The following CYP26B1 variants were observed in gnomAD, a reference collection of about 807,000 sequenced individuals.
CYP26B1 encodes the protein cytochrome P450 26B1.
A neutral mutation model predicts 39.1 loss-of-function variants in CYP26B1; 8 were observed. The observed-to-expected ratio is 0.20, with a 90% CI of 0.12 to 0.37. The LOEUF (loss-of-function observed/expected upper bound fraction) is 0.37, where lower values mean the gene tolerates loss of function less well. Among genes scored for constraint, CYP26B1 ranks in the 10% least tolerant of loss-of-function variants. The pLI, the probability that CYP26B1 is intolerant of heterozygous loss-of-function variation, is 1.00. For synonymous variants in CYP26B1, 321 were observed against 314.3 expected (o/e 1.02, Z -0.23); for missense variants, 615 against 707.0 (o/e 0.87, Z 1.48).
rs535720016 is a variant in CYP26B1 at position 72,134,507 on chromosome 2, C to T, written c.861+254G>A. 2.0e-5 allele frequency among the ~76,000 whole-genome samples: 3 copies of T among 152,302 alleles called. No homozygotes were observed. In the East Asian group the frequency reaches 5.8e-4, roughly 29 times the overall value. On this transcript the variant is annotated intron_variant, in intron 4 of 5. Coordinates refer to ENST00000001146, the MANE Select transcript of CYP26B1 (RefSeq NM_019885.4). ...AGGGATATTGGGACTAGGAAATGAA[C>T]TGAGATCATTCCCAGGCCTGAGCTC... is the stretch of plus-strand genomic sequence containing the variant.
intron 1 of CYP26B1, among the ~76,000 whole-genome samples, chr2:72,145,851 C>CA (rs773709901): frequency 6.6e-6 from 1 of 152,184 alleles, no homozygotes; most frequent in African/African-American, 2.4e-5. Context: ...CCAATTTATA[C>CA]AAAAATGTTG....
chr2:72,147,556 C>A lies in CYP26B1; in HGVS notation c.204+75G>T. Reference sequence around the variant, plus strand: ...CCTTCAGGCTCCCGGCGCCCCCTGGCCGGCCCGCCGCTCCGTCTGCCCCGC... The same window carrying A: ...CCTTCAGGCTCCCGGCGCCCCCTGGACGGCCCGCCGCTCCGTCTGCCCCGC... On this transcript the variant is annotated intron_variant, in intron 1 of 5. Transcript: ENST00000001146. The surrounding 1 kb of genome is among the most constrained non-coding windows in gnomAD (Gnocchi z 6.1). 1 of 1,443,990 alleles carries A rather than the reference C, an allele frequency of 6.9e-7. No individual in the cohort carries two copies. Among genetic ancestry groups the A allele is most frequent in the Non-Finnish European group, 9.2e-7 (1 of 1,086,944 alleles). 89.4% of individuals were successfully genotyped at this position (1,443,990 alleles called of 1,614,324 possible).
In CYP26B1 at chr2:72,142,348, T is replaced by G. The variant is rs554043791; in HGVS notation, c.429+1641A>C. Among the ~76,000 whole-genome samples, 9 of 152,254 alleles carry G rather than the reference T, an allele frequency of 5.9e-5. No individual in the cohort carries two copies. In the East Asian group the frequency reaches 1.5e-3, roughly 26 times the overall value. On this transcript the variant is annotated intron_variant, in intron 2 of 5. Transcript: ENST00000001146. Reference sequence around the variant, plus strand: ...ACACCTCCTTCCTCCTAGCACTCACTGTCCACCCCAGCTTCCAGCAGCCCC... The same window carrying G: ...ACACCTCCTTCCTCCTAGCACTCACGGTCCACCCCAGCTTCCAGCAGCCCC...
chr2:72,135,395 C>T lies in CYP26B1; in HGVS notation c.454G>A (p.Glu152Lys), dbSNP rs143622603. 1.5e-3 allele frequency: 2,402 copies of T among 1,612,572 alleles called. 7 individuals carry two copies. The highest frequency in any genetic ancestry group is 1.9e-3 in the Non-Finnish European group (2,244 of 1,180,020). Reference sequence around the variant, plus strand: ...TTGGGCAGGTAACTCTCCAGGGCCTCGTGGCTGAAGATCTTGGAGAAGACC... The same window carrying T: ...TTGGGCAGGTAACTCTCCAGGGCCTTGTGGCTGAAGATCTTGGAGAAGACC... Reference protein sequence around the residue: ...RKVFSKIFSHEALESYLPKIQ... With the variant: ...RKVFSKIFSHKALESYLPKIQ... Residue 152 changes from glutamate to lysine, a missense_variant, in exon 3 of 6, where the codon GAG (glutamate) becomes AAG (lysine). Transcript: ENST00000001146.
chr2:72,132,187 C>A lies in CYP26B1; in HGVS notation c.*40G>T. On this transcript the variant is annotated 3_prime_UTR_variant, in exon 6 of 6. Transcript: ENST00000001146. ...AGGTTTCTACCTCCCACAACCACCA[C>A]CCCGCTGCCTGGGCTGGGCTGAGGC... The A allele has an allele frequency of 1.3e-6, 2 of 1,577,074 alleles. No homozygotes were observed. Among genetic ancestry groups the A allele is most frequent in the Non-Finnish European group, 8.6e-7 (1 of 1,161,986 alleles).
intron 1 of CYP26B1, among the ~76,000 whole-genome samples, chr2:72,145,222 C>T (rs1277085671): frequency 1.3e-5 from 2 of 152,258 alleles, no homozygotes; most frequent in Non-Finnish European, 2.9e-5. Context: ...AACTCAGTCC[C>T]CCTAGCCCGG....
chr2:72,145,666 G>A (rs1231986442), intron 1 of CYP26B1, among the ~76,000 whole-genome samples: 2 of 152,100 alleles, frequency 1.3e-5, no homozygotes, highest in South Asian at 4.1e-4. Context: ...CAACACAAAA[G>A]TTGGGTTGTG....
intron 2 of CYP26B1, among the ~76,000 whole-genome samples, chr2:72,136,569 G>A (rs897928225): frequency 5.3e-5 from 8 of 152,200 alleles, no homozygotes; most frequent in South Asian, 2.1e-4. Context: ...GCAGGAGGCC[G>A]GCGAGGGGCA....
chr2:72,134,735 C>T (rs1289477171), intron 4 of CYP26B1, 26 bp downstream of exon 4: 10 of 1,603,354 alleles, frequency 6.2e-6, no homozygotes, highest in Non-Finnish European at 8.5e-6. Context: ...CTGGTGCTGC[C>T]CGTGAGGGGC....
At position 72,135,384 on chromosome 2, in the gene CYP26B1, C is replaced by A. The variant is rs752223643; in HGVS notation, c.465G>T (p.Glu155Asp). ...CCAGCTGGATCTTGGGCAGGTAACT[C>A]TCCAGGGCCTCGTGGCTGAAGATCT... is the stretch of plus-strand genomic sequence containing the variant. ...FSKIFSHEAL[E>D]SYLPKIQLVI... Residue 155 changes from glutamate to aspartate, a missense_variant, in exon 3 of 6, where the codon GAG (glutamate) becomes GAT (aspartate). Physicochemically the swap from Glu to Asp is conservative, Grantham distance 45 (BLOSUM62 2). Transcript: ENST00000001146. The A allele has an allele frequency of 1.2e-6, 2 of 1,613,282 alleles. No individual in the cohort carries two copies. The highest frequency in any genetic ancestry group is 1.7e-5 in the Admixed American group (1 of 60,024).
At chr2:72,139,731 C>T (rs1464902214) in intron 2 of CYP26B1, among the ~76,000 whole-genome samples, 2 of 152,226 alleles carry the variant, frequency 1.3e-5, no homozygotes, top group Admixed American at 1.3e-4. Context: ...ACCACAAACC[C>T]GCCTTAGAAA....
At position 72,132,437 on chromosome 2, in the gene CYP26B1, G is replaced by A. The variant is rs1388740886; in HGVS notation, c.1329C>T (p.Gly443=). 6.2e-7 allele frequency: 1 copy of A among 1,613,240 alleles called. No individual in the cohort carries two copies. Among genetic ancestry groups the A allele is most frequent in the South Asian group, 1.1e-5 (1 of 91,018 alleles). The change falls in exon 6 of 6, where the codon GGC becomes GGT. Residue 443 remains glycine, a synonymous_variant. Transcript: ENST00000001146. ...TCAGGAACAGCTTGGCCAGGTGCTT[G>A]CCCAGGCAGGTCCGGACACCGCCAC... The part of the protein sequence containing the change: ...PFGGGVRTCL[G]KHLAKLFLKV...
In CYP26B1 at chr2:72,132,475, A is replaced by T; in HGVS notation, c.1291T>A (p.Tyr431Asn). 1 of 1,613,224 alleles carries T rather than the reference A, an allele frequency of 6.2e-7. No individual in the cohort carries two copies. The highest frequency in any genetic ancestry group is 2.2e-5 in the East Asian group (1 of 44,848). ...CGGACACCGCCACCGAACGGGAGGT[A>T]ATGGAAGCGGCCATCCTTGTCCTCG... is the stretch of plus-strand genomic sequence containing the variant. ...RSEDKDGRFHYLPFGGGVRTC... is the reference protein window; with the variant it reads ...RSEDKDGRFHNLPFGGGVRTC... Residue 431 changes from tyrosine to asparagine, a missense_variant, in exon 6 of 6, where the codon TAC becomes AAC. By Grantham distance (143) the Tyr-to-Asn change is moderately radical. Transcript: ENST00000001146.
In CYP26B1 at chr2:72,132,257, C is replaced by T. The variant is rs202200784; in HGVS notation, c.1509G>A (p.Glu503=). Reference sequence around the variant, plus strand: ...CTGTGGCGCTCAGCATGGCCTCCGTCTCCGGCAGGATCTCGTTCTGGTTGG... The same window carrying T: ...CTGTGGCGCTCAGCATGGCCTCCGTTTCCGGCAGGATCTCGTTCTGGTTGG... The part of the protein sequence containing the change: ...LDSNQNEILP[E]TEAMLSATV The change falls in exon 6 of 6, where the codon GAG becomes GAA. Residue 503 remains glutamate, a synonymous_variant. Transcript: ENST00000001146. The T allele has an allele frequency of 6.2e-7, 1 of 1,604,316 alleles. No individual in the cohort carries two copies. Among genetic ancestry groups the T allele is most frequent in the East Asian group, 2.2e-5 (1 of 44,560 alleles).
intron 2 of CYP26B1, among the ~76,000 whole-genome samples, chr2:72,137,567 G>A (rs1676814281): frequency 6.6e-6 from 1 of 152,022 alleles, no homozygotes; most frequent in Non-Finnish European, 1.5e-5. Context: ...GGTTTCAAAA[G>A]GGGGAGCACG....
intron 4 of CYP26B1, among the ~76,000 whole-genome samples, chr2:72,133,993 T>G (rs1003743487): frequency 2.6e-5 from 4 of 152,210 alleles, no homozygotes; most frequent in Non-Finnish European, 1.5e-5. Context: ...ATGTGGACTC[T>G]GGGCCCAGAG....
intron 1 of CYP26B1, chr2:72,144,585 G>T: frequency 1.2e-6 from 1 of 818,182 alleles, no homozygotes; most frequent in Non-Finnish European, 1.5e-6. Flanking sequence ...ATATTTCCAG[G>T]CTCCGGGCCA....
intron 2 of CYP26B1, among the ~76,000 whole-genome samples, chr2:72,140,608 G>C (rs1387786315): frequency 6.6e-6 from 1 of 152,192 alleles, no homozygotes; most frequent in African/African-American, 2.4e-5. Context: ...GCCAAGTGTG[G>C]GCTAGCCTTC....
At chr2:72,146,314 C>A (rs976826082) in intron 1 of CYP26B1, among the ~76,000 whole-genome samples, 11 of 125,216 alleles carry the variant, frequency 8.8e-5, no homozygotes, top group African/African-American at 6.1e-5. Flanking sequence ...GCAGTTGACA[C>A]TTTAAGTGTG....
Sources: allele counts gnomAD v4.1 joint callset (sites outside exome capture counted in the v4.1 genomes callset), GRCh38; gene constraint gnomAD v4.1.1; non-coding constraint Gnocchi (gnomAD v3.1); transcripts MANE v1.5; gene names NCBI Gene and HGNC (gene_info 2026-07-23, HGNC 2026-07-21).